Variants in ST6GALNAC3 observed in about 807,000 individuals in gnomAD.
The protein encoded by ST6GALNAC3 is alpha-N-acetylgalactosaminide alpha-2,6-sialyltransferase 3.
A neutral mutation model predicts 32.7 loss-of-function variants in ST6GALNAC3; 25 were observed. The ratio of observed to expected loss-of-function variants is 0.76; its 90% CI spans 0.56 to 1.07. The LOEUF (loss-of-function observed/expected upper bound fraction) is 1.07. Among genes scored for constraint, ST6GALNAC3 ranks in the 50% least tolerant of loss-of-function variants. The pLI, the probability that ST6GALNAC3 is intolerant of heterozygous loss-of-function variation, is 0.00. For missense variants in ST6GALNAC3, 355 were observed against 382.4 expected (o/e 0.93, Z 0.60); for synonymous variants, 129 against 133.1 (o/e 0.97, Z 0.21).
chr1:76,514,021 T>A (rs1347623156), intron 3 of ST6GALNAC3, among the ~76,000 whole-genome samples: 7 of 152,232 alleles, frequency 4.6e-5, no homozygotes, highest in Non-Finnish European at 1.0e-4. Context: ...GTGCTGTGAC[T>A]TCACTGAATT....
chr1:76,405,626 TGG>T (rs967499781), intron 2 of ST6GALNAC3, among the ~76,000 whole-genome samples: 1 of 144,526 alleles, frequency 6.9e-6, no homozygotes, highest in African/African-American at 2.6e-5. Context: ...TGTGTGTGTG[TGG>T]TGTGAATTTT....
intron 3 of ST6GALNAC3, among the ~76,000 whole-genome samples, chr1:76,419,424 A>G (rs74089924): frequency 0.014 from 2,107 of 152,270 alleles, 45 homozygotes; most frequent in African/African-American, 0.048. Context: ...ATTAAAATGT[A>G]TACAGACTTT....
At chr1:76,379,284 T>C (rs76568293) in intron 2 of ST6GALNAC3, among the ~76,000 whole-genome samples, 12,188 of 152,232 alleles carry the variant, frequency 0.08, 529 homozygotes, top group Middle Eastern at 0.12. Flanking sequence ...TTTGACTATA[T>C]ATTTTCTTTT....
chr1:76,341,750 T>C (rs1648057304), intron 2 of ST6GALNAC3, among the ~76,000 whole-genome samples: 1 of 151,326 alleles, frequency 6.6e-6, no homozygotes, highest in South Asian at 2.1e-4. Flanking sequence ...GGGATACTTG[T>C]ACAGAATGTG....
At chr1:76,591,135 A>G (rs1647040963) in intron 3 of ST6GALNAC3, among the ~76,000 whole-genome samples, 1 of 152,074 alleles carries the variant, frequency 6.6e-6, no homozygotes, top group Admixed American at 6.6e-5. Flanking sequence ...AAAGAAATAC[A>G]AAGGAGATAT....
At chr1:76,608,150 AGT>A (rs1468480950) in intron 3 of ST6GALNAC3, among the ~76,000 whole-genome samples, 8 of 152,250 alleles carry the variant, frequency 5.3e-5, no homozygotes, top group African/African-American at 1.2e-4. Context: ...GGTATCTCTA[AGT>A]ACATGGACCT....
intron 1 of ST6GALNAC3, among the ~76,000 whole-genome samples, chr1:76,163,052 C>T (rs1178972096): frequency 3.9e-5 from 6 of 152,160 alleles, no homozygotes; most frequent in African/African-American, 1.4e-4. Context: ...ATTCTAGATT[C>T]CCTCTCAGGG....
At chr1:76,586,459 G>T (rs1646963974) in intron 3 of ST6GALNAC3, among the ~76,000 whole-genome samples, 2 of 152,110 alleles carry the variant, frequency 1.3e-5, no homozygotes, top group South Asian at 4.1e-4. Flanking sequence ...AAGAAATATT[G>T]TCTTGCTAAA....
chr1:76,607,422 C>T (rs1015973508), intron 3 of ST6GALNAC3, among the ~76,000 whole-genome samples: 3 of 152,060 alleles, frequency 2.0e-5, no homozygotes, highest in African/African-American at 7.2e-5. Flanking sequence ...CTGAAAGTTC[C>T]AATACTGTAA....
intron 1 of ST6GALNAC3, among the ~76,000 whole-genome samples, chr1:76,080,162 G>A (rs1646872986): frequency 6.6e-6 from 1 of 152,212 alleles, no homozygotes; most frequent in Non-Finnish European, 1.5e-5. Flanking sequence ...TATGGGTGGG[G>A]TGTTGACGGT....
chr1:76,237,497 A>C (rs1656724624), intron 1 of ST6GALNAC3, among the ~76,000 whole-genome samples: 1 of 152,348 alleles, frequency 6.6e-6, no homozygotes, highest in African/African-American at 2.4e-5. Flanking sequence ...GGCCATTCAA[A>C]AAGATGAAAG....
At chr1:76,283,459 CAA>C (rs1431549501) in intron 1 of ST6GALNAC3, among the ~76,000 whole-genome samples, 1 of 152,128 alleles carries the variant, frequency 6.6e-6, no homozygotes, top group African/African-American at 2.4e-5. Flanking sequence ...GCAGGACCCT[CAA>C]GAGCCAACCT....
intron 3 of ST6GALNAC3, among the ~76,000 whole-genome samples, chr1:76,575,803 G>A (rs982066430): frequency 5.3e-5 from 8 of 152,008 alleles, no homozygotes; most frequent in Admixed American, 5.2e-4. Context: ...TAGAGAAGTA[G>A]CATCTTTTCT....
intron 3 of ST6GALNAC3, among the ~76,000 whole-genome samples, chr1:76,536,389 A>G (rs941730417): frequency 2.0e-5 from 3 of 152,144 alleles, no homozygotes; most frequent in East Asian, 1.9e-4. Flanking sequence ...GAAACTTACA[A>G]TCATGGTGGA....
At chr1:76,470,574 C>T (rs1015689458) in intron 3 of ST6GALNAC3, among the ~76,000 whole-genome samples, 1 of 152,050 alleles carries the variant, frequency 6.6e-6, no homozygotes, top group Non-Finnish European at 1.5e-5. Context: ...ACATTTTCTC[C>T]TGTGTTGTCT....
intron 3 of ST6GALNAC3, among the ~76,000 whole-genome samples, chr1:76,574,705 T>A (rs1177962937): frequency 2.0e-5 from 3 of 152,076 alleles, no homozygotes; most frequent in East Asian, 3.9e-4. Context: ...AGTTTCAAAG[T>A]TCAAATTGCC....
intron 2 of ST6GALNAC3, among the ~76,000 whole-genome samples, chr1:76,334,764 A>G (rs989517431): frequency 6.6e-6 from 1 of 152,260 alleles, no homozygotes; most frequent in Admixed American, 6.5e-5. Flanking sequence ...TTAAATTTTA[A>G]TATGCATCAG....
chr1:76,423,293 T>C (rs1057354201), intron 3 of ST6GALNAC3, among the ~76,000 whole-genome samples: 1 of 152,116 alleles, frequency 6.6e-6, no homozygotes, highest in East Asian at 1.9e-4. Flanking sequence ...CAGCATTCAG[T>C]TCTCTGACTT....
chr1:76,337,857 C>T (rs189396656), intron 2 of ST6GALNAC3, among the ~76,000 whole-genome samples: 60 of 152,142 alleles, frequency 3.9e-4, no homozygotes, highest in Admixed American at 1.0e-3. Flanking sequence ...GGGTCTGTGG[C>T]GATACTAACT....
Sources: gnomAD v4.1 joint callset for allele counts (sites outside exome capture counted in the v4.1 genomes callset) on GRCh38, gnomAD v4.1.1 for gene constraint, MANE v1.5 for transcripts, NCBI Gene and HGNC (gene_info 2026-07-23, HGNC 2026-07-21) for gene names.